Variants in SMARCA4 observed in about 807,000 individuals in gnomAD.
SMARCA4 encodes the protein SWI/SNF related BAF chromatin remodeling complex subunit ATPase 4.
A neutral mutation model predicts 193.9 loss-of-function variants in SMARCA4; 31 were observed. The ratio of observed to expected loss-of-function variants is 0.16; its 90% CI spans 0.12 to 0.22. The LOEUF (loss-of-function observed/expected upper bound fraction) is 0.22, where lower values mean the gene tolerates loss of function less well. Ranked by LOEUF, SMARCA4 falls within the 10% of genes least tolerant of loss-of-function variation. The pLI, the probability that SMARCA4 is intolerant of heterozygous loss-of-function variation, is 1.00. For missense variants in SMARCA4, 1,148 were observed against 2,296.0 expected, an observed-to-expected ratio of 0.50 and a Z score of 10.22; for synonymous variants, 942 against 933.1, an observed-to-expected ratio of 1.01 and a Z score of -0.17.
intron 14 of SMARCA4, chr19:11,008,234 T>C: frequency 1.9e-6 from 1 of 524,444 alleles, no homozygotes; most frequent in Non-Finnish European, 3.6e-6. Flanking sequence ...GTTCACCATA[T>C]GCTTACGAGG....
intron 1 of SMARCA4, among the ~76,000 whole-genome samples, chr19:10,970,696 A>T (rs895338518): frequency 2.6e-5 from 4 of 152,230 alleles, no homozygotes; most frequent in Non-Finnish European, 5.9e-5. Flanking sequence ...AGCCCACTGC[A>T]TCTGGCCGAT....
At chr19:10,999,437 A>C (rs927199878) in intron 11 of SMARCA4, among the ~76,000 whole-genome samples, 10 of 152,094 alleles carry the variant, frequency 6.6e-5, no homozygotes, top group African/African-American at 2.2e-4. Flanking sequence ...TGGGAGGACT[A>C]CTTGAGCCCA....
At chr19:11,015,237 G>A (rs531777937) in intron 16 of SMARCA4, among the ~76,000 whole-genome samples, 1 of 152,278 alleles carries the variant, frequency 6.6e-6, no homozygotes, top group Admixed American at 6.5e-5. Flanking sequence ...ATGGACGTAG[G>A]ACTAATAGCA....
Position 11,031,937 on chromosome 19 carries a change from T to C in SMARCA4, c.3546+1044T>C, listed in dbSNP as rs1270538740. The stretch of plus-strand genomic sequence containing the variant: ...ATGTACCCTGCCCTTCCCTGCAGCG[T>C]GAGGGCAGCAGCGTTCTCAGTGTGT... On this transcript the variant is annotated intron_variant, in intron 25 of 34. Coordinates refer to ENST00000344626, the MANE Select transcript of SMARCA4 (RefSeq NM_003072.5). The surrounding 1 kb of genome is among the most constrained non-coding windows in gnomAD (Gnocchi z 4.3). The C allele has an allele frequency of 6.6e-6, 1 of 152,244 alleles. No homozygotes were observed. The highest frequency in any genetic ancestry group is 1.5e-5 in the Non-Finnish European group (1 of 68,072). The allele number at this position is 152,244 out of a possible 1,614,324, so 9.4% of individuals were successfully genotyped here.
intron 16 of SMARCA4, among the ~76,000 whole-genome samples, chr19:11,017,584 C>A (rs764881624): frequency 6.6e-6 from 1 of 152,260 alleles, no homozygotes; most frequent in Non-Finnish European, 1.5e-5. Context: ...CCGTTTGGAC[C>A]TCTGTCTCTG....
At chr19:11,060,525 G>A in intron 34 of SMARCA4, 1 of 461,788 alleles carries the variant, frequency 2.2e-6, no homozygotes, top group South Asian at 2.2e-5. Context: ...TTAGGGTTGG[G>A]TAGGAGGTGC....
chr19:11,043,776 C>A (rs881227), intron 30 of SMARCA4, among the ~76,000 whole-genome samples: 2 of 152,132 alleles, frequency 1.3e-5, no homozygotes, highest in African/African-American at 2.4e-5. Flanking sequence ...GAGTTTGAGA[C>A]CAGTCTGGCC....
rs769327965 is a variant in SMARCA4, at chr19:11,030,863, C to A, written c.3516C>A (p.Ile1172=). Residue 1172 remains isoleucine (I), a synonymous_variant, in exon 25 of 35, where the codon ATC becomes ATA. Transcript: ENST00000344626. This position sits in a 1 kb window ranked among gnomAD's most constrained non-coding sequence, Gnocchi z 5.5. The part of the protein sequence containing the change: ...GLNLQSADTV[I]IFDSDWNPHQ... ...ACCTCCAGTCGGCAGACACTGTGAT[C>A]ATTTTTGACAGCGACTGGAATCCTC... is the stretch of plus-strand genomic sequence containing the variant. 1.2e-6 allele frequency: 2 copies of A among 1,610,552 alleles called. No homozygotes were observed. The highest frequency in any genetic ancestry group is 4.5e-5 in the East Asian group (2 of 44,822).
At chr19:11,061,763 C>T (rs370100800) in intron 34 of SMARCA4, 21 bp from the exon 35 acceptor site, 3 of 1,612,872 alleles carry the variant, frequency 1.9e-6, no homozygotes, top group Non-Finnish European at 1.7e-6. Context: ...CGCACACTCT[C>T]TCCTCCTGTC....
chr19:11,005,161 C>T (rs2088073841), intron 13 of SMARCA4, among the ~76,000 whole-genome samples: 1 of 152,140 alleles, frequency 6.6e-6, no homozygotes, highest in South Asian at 2.1e-4. Flanking sequence ...CTTACCTCTT[C>T]ATGTTTAGTT....
At position 10,991,153 on chromosome 19, in the gene SMARCA4, C is replaced by G. The variant is rs2086525936; in HGVS notation, c.1249C>G (p.Arg417Gly). The G allele has an allele frequency of 1.2e-6, 2 of 1,613,584 alleles. No individual in the cohort carries two copies. Among genetic ancestry groups the G allele is most frequent in the South Asian group, 1.1e-5 (1 of 91,000 alleles). Residue 417 changes from arginine to glycine, a missense_variant, in exon 8 of 35, where the codon CGC (arginine) becomes GGC (glycine). By Grantham distance (125) the Arg-to-Gly change is moderately radical. Transcript: ENST00000344626. ...CTTGTCCTCTTCCCTCCTACAGCTGCGCCAGGAGGTGGTGGTGTGCATGCG... is the reference window on the plus strand; with the variant it reads ...CTTGTCCTCTTCCCTCCTACAGCTGGGCCAGGAGGTGGTGGTGTGCATGCG... ...LRLLNFQRQL[R>G]QEVVVCMRRD...
intron 32 of SMARCA4, chr19:11,059,149 A>G (rs2076715125): frequency 6.6e-6 from 3 of 456,724 alleles, no homozygotes; most frequent in Admixed American, 7.2e-5. Flanking sequence ...CCAACTTGGG[A>G]TATTTTAGCA....
intron 1 of SMARCA4, among the ~76,000 whole-genome samples, chr19:10,981,931 T>TG (rs2085583236): frequency 6.6e-6 from 1 of 151,954 alleles, no homozygotes; most frequent in South Asian, 2.1e-4. Flanking sequence ...AAGGCTGCAG[T>TG]GGGCTATGAT....
In SMARCA4 at chr19:10,988,124, CT is replaced by C. The variant is rs201897931; in HGVS notation, c.1118+213del. Among the ~76,000 whole-genome samples the C allele has an allele frequency of 0.012, 1,723 of 146,234 alleles. 13 individuals carry two copies. The highest frequency in any genetic ancestry group is 0.053 in the South Asian group (246 of 4,630). Reference sequence around the variant, plus strand: ...CCACACAGCAGTTTGAGTTCTCTCTCTTTTTTTTTTTTTGAGACGGAGTTTC... The same window carrying C: ...CCACACAGCAGTTTGAGTTCTCTCTCTTTTTTTTTTTTGAGACGGAGTTTC... On this transcript the variant is annotated intron_variant, in intron 6 of 34. Coordinates refer to ENST00000344626, the MANE Select transcript of SMARCA4 (RefSeq NM_003072.5).
intron 30 of SMARCA4, among the ~76,000 whole-genome samples, chr19:11,046,781 C>T (rs906701728): frequency 2.0e-5 from 3 of 151,926 alleles, no homozygotes; most frequent in Non-Finnish European, 2.9e-5. Flanking sequence ...AACAGGGAGA[C>T]CCCGCCTATG....
chr19:11,039,349 G>T (rs1387355242), intron 29 of SMARCA4: 1 of 601,520 alleles, frequency 1.7e-6, no homozygotes, highest in Non-Finnish European at 2.9e-6. Context: ...ATGAGACCCT[G>T]TCTCTGAAAA....
intron 13 of SMARCA4, 70 bp from the exon 14 acceptor site, chr19:11,007,832 C>G: frequency 1.3e-6 from 2 of 1,568,968 alleles, no homozygotes; most frequent in South Asian, 2.2e-5. Context: ...TGAGACTGTT[C>G]TCCCCATGGG....
At position 10,986,151 on chromosome 19, in the gene SMARCA4, T is replaced by G. The variant is rs377057502; in HGVS notation, c.356-38T>G. On this transcript the variant is annotated intron_variant, in intron 3 of 34. Coordinates refer to ENST00000344626, the MANE Select transcript of SMARCA4 (RefSeq NM_003072.5). The surrounding 1 kb of genome is among the most constrained non-coding windows in gnomAD (Gnocchi z 6.7). Reference sequence around the variant, plus strand: ...AGAGGCTGTAAAAATCACAGACATATGCTGCCGAGTGACCAGTGGGCTGAC... The same window carrying G: ...AGAGGCTGTAAAAATCACAGACATAGGCTGCCGAGTGACCAGTGGGCTGAC... The G allele has an allele frequency of 6.5e-7, 1 of 1,535,342 alleles. No individual in the cohort carries two copies. Among genetic ancestry groups the G allele is most frequent in the South Asian group, 1.1e-5 (1 of 89,466 alleles).
rs2146823505 is a variant in SMARCA4, at chr19:11,041,552, C to T, written c.4416C>T (p.Tyr1472=). Residue 1472 remains tyrosine, a synonymous_variant, in exon 30 of 35, where the codon TAC becomes TAT. Transcript: ENST00000344626. This position sits in a 1 kb window ranked among gnomAD's most constrained non-coding sequence, Gnocchi z 5.6. ...AGATTGTGGATGCCGTGATCAAGTA[C>T]AAGGACAGGTAAGCGAGGAGGCGGG... ...MKKIVDAVIK[Y]KDSSSGRQLS... 1 of 1,613,232 alleles carries T rather than the reference C, an allele frequency of 6.2e-7. No homozygotes were observed. Among genetic ancestry groups the T allele is most frequent in the Non-Finnish European group, 8.5e-7 (1 of 1,179,828 alleles).
Sources: gnomAD v4.1 joint callset for allele counts (sites outside exome capture counted in the v4.1 genomes callset) on GRCh38, gnomAD v4.1.1 for gene constraint, Gnocchi (gnomAD v3.1) non-coding constraint, MANE v1.5 for transcripts, NCBI Gene and HGNC (gene_info 2026-07-23, HGNC 2026-07-21) for gene names.